CELA3A: variants seen among roughly 807,000 people sequenced by gnomAD.
CELA3A encodes the protein chymotrypsin like elastase 3A.
CELA3A carries 35 observed loss-of-function variants against 38.6 expected under a neutral mutation model. That is an observed-to-expected ratio of 0.91 (90% CI 0.69 to 1.20). The LOEUF (loss-of-function observed/expected upper bound fraction) is 1.20, where lower values mean the gene tolerates loss of function less well. CELA3A is among the 50% of genes most tolerant of loss of function. The pLI is 0.00. For synonymous variants in CELA3A, 143 were observed against 136.7 expected (o/e 1.05, Z -0.32); for missense variants, 343 against 354.2 (o/e 0.97, Z 0.25).
chr1:22,008,775 C>G (rs1370212224), intron 6 of CELA3A, among the ~76,000 whole-genome samples: 3 of 151,722 alleles, frequency 2.0e-5, no homozygotes, highest in South Asian at 2.1e-4. Context: ...AAAAAAAATA[C>G]TATCAAATAC....
At chr1:22,006,382 C>T (rs1644950029) in intron 4 of CELA3A, among the ~76,000 whole-genome samples, 1 of 151,110 alleles carries the variant, frequency 6.6e-6, no homozygotes, top group Non-Finnish European at 1.5e-5. Context: ...CAAATATTAG[C>T]CAGGCGTGGT....
chr1:22,005,117 C>T (rs1252806189), intron 2 of CELA3A, among the ~76,000 whole-genome samples: 3 of 150,252 alleles, frequency 2.0e-5, no homozygotes, highest in Admixed American at 6.6e-5. Flanking sequence ...AAAAAAAACT[C>T]ACAGGGCGAG....
At chr1:22,001,826 A>AG in intron 1 of CELA3A, 109 bp downstream of exon 1, 2 of 1,476,450 alleles carry the variant, frequency 1.4e-6, no homozygotes, top group Admixed American at 1.7e-5. Context: ...GTTCCACAGG[A>AG]GGGGGTCTCA....
At chr1:22,004,122 A>T (rs1435595808) in intron 2 of CELA3A, among the ~76,000 whole-genome samples, 2 of 134,528 alleles carry the variant, frequency 1.5e-5, no homozygotes, top group African/African-American at 5.8e-5. Flanking sequence ...CCCAGGCTGG[A>T]GTGCAGTGGT....
chr1:22,006,934 A>G lies in CELA3A; in HGVS notation c.419A>G (p.Gln140Arg). 8 of 1,612,340 alleles carry G rather than the reference A, an allele frequency of 5.0e-6. No homozygotes were observed. Among genetic ancestry groups the G allele is most frequent in the Non-Finnish European group, 6.8e-6 (8 of 1,179,438 alleles). ...SRSAQLGDAV[Q>R]LASLPPAGDI... is the part of the protein sequence containing the mutation. ...AGCGCCCAGCTGGGAGATGCCGTCCAGCTCGCCTCACTCCCTCCCGCTGGT... is the reference window on the plus strand; with the variant it reads ...AGCGCCCAGCTGGGAGATGCCGTCCGGCTCGCCTCACTCCCTCCCGCTGGT... Residue 140 changes from glutamine to arginine, a missense_variant, in exon 5 of 8, where the codon CAG becomes CGG. Coordinates refer to ENST00000290122, the MANE Select transcript of CELA3A (RefSeq NM_005747.5).
rs769086020 is a variant in CELA3A, at chr1:22,007,537, C to T, written c.642+22C>T. 27 of 1,601,100 alleles carry T rather than the reference C, an allele frequency of 1.7e-5. 1 individual carries two copies. The East Asian group carries it at 2.9e-4, about 17-fold the overall frequency. On this transcript the variant is annotated intron_variant, in intron 6 of 7. Coordinates refer to ENST00000290122, the MANE Select transcript of CELA3A (RefSeq NM_005747.5). ...CAACGTGAGTCAGCTCTTACCTGCC[C>T]GAGGTGGTGCTGGGTGTGCAGGACC...
At chr1:22,003,236 C>A in intron 2 of CELA3A, 148 bp downstream of exon 2, 2 of 875,364 alleles carry the variant, frequency 2.3e-6, no homozygotes, top group Non-Finnish European at 3.5e-6. Flanking sequence ...CCATCTACTT[C>A]ACGGGGAGGT....
chr1:22,008,599 C>T (rs60862046), intron 6 of CELA3A, among the ~76,000 whole-genome samples: 1 of 149,792 alleles, frequency 6.7e-6, no homozygotes, highest in Non-Finnish European at 1.5e-5. Context: ...CTCTACTAAA[C>T]ACACAAAAAG....
intron 6 of CELA3A, among the ~76,000 whole-genome samples, chr1:22,009,094 A>C (rs1284433848): frequency 7.4e-6 from 1 of 135,312 alleles, no homozygotes. Flanking sequence ...GGCTGGGTGC[A>C]GTGACTCACG....
intron 6 of CELA3A, among the ~76,000 whole-genome samples, chr1:22,009,311 C>G (rs1384416457): frequency 6.6e-6 from 1 of 151,374 alleles, no homozygotes; most frequent in Admixed American, 6.6e-5. Context: ...TTGCAGTGAG[C>G]TGAGATCCTG....
At position 22,012,438 on chromosome 1, in the gene CELA3A, C is replaced by G. The variant is rs563257095; in HGVS notation, c.796-12C>G. 2.2e-4 allele frequency: 281 copies of G among 1,268,582 alleles called. 38 individuals carry two copies. The South Asian group carries it at 3.6e-3, about 16-fold the overall frequency. The allele number at this position is 1,268,582 out of a possible 1,614,324, so 78.6% of individuals were successfully genotyped here. Reference sequence around the variant, plus strand: ...AAATTGACTATTCTGTCTGCCCCCCCAACTTTTCCAGACCATAGCAAGCCA... The same window carrying G: ...AAATTGACTATTCTGTCTGCCCCCCGAACTTTTCCAGACCATAGCAAGCCA... On this transcript the variant is annotated splice_polypyrimidine_tract_variant and intron_variant, in intron 7 of 7. Coordinates refer to ENST00000290122, the MANE Select transcript of CELA3A (RefSeq NM_005747.5).
At chr1:22,007,163 C>G (rs1315094713) in intron 5 of CELA3A, 149 bp downstream of exon 5, 2 of 1,398,850 alleles carry the variant, frequency 1.4e-6, no homozygotes, top group Admixed American at 2.4e-5. Flanking sequence ...ACCTCCAAAA[C>G]ACGAATGTGG....
intron 4 of CELA3A, among the ~76,000 whole-genome samples, chr1:22,006,666 A>G (rs1644951578): frequency 6.7e-6 from 1 of 150,334 alleles, no homozygotes; most frequent in African/African-American, 2.5e-5. Flanking sequence ...GCAGTGAGCT[A>G]TGATTGTGAC....
intron 6 of CELA3A, among the ~76,000 whole-genome samples, chr1:22,008,290 A>G (rs1644963220): frequency 6.7e-6 from 1 of 150,094 alleles, no homozygotes; most frequent in Non-Finnish European, 1.5e-5. Flanking sequence ...AGCCAGGAGT[A>G]CAAGTGTGTG....
At chr1:22,009,007 C>T (rs1319024346) in intron 6 of CELA3A, among the ~76,000 whole-genome samples, 5 of 151,730 alleles carry the variant, frequency 3.3e-5, no homozygotes, top group South Asian at 2.1e-4. Context: ...TGGGAGGCCC[C>T]GGCAGGTGGA....
intron 7 of CELA3A, among the ~76,000 whole-genome samples, chr1:22,011,913 C>T (rs1318041036): frequency 1.6e-5 from 2 of 126,476 alleles, no homozygotes; most frequent in East Asian, 5.2e-4. Flanking sequence ...ATTAGCCAGG[C>T]ATGGTGGCGT....
intron 6 of CELA3A, among the ~76,000 whole-genome samples, chr1:22,008,168 T>TTTTTTTTA (rs1644962508): frequency 6.9e-6 from 1 of 144,736 alleles, no homozygotes; most frequent in African/African-American, 2.6e-5. Context: ...TTTTTTTTTT[T>TTTTTTTTA]GAGACAGGAT....
At position 22,011,735 on chromosome 1, in the gene CELA3A, C is replaced by T. The variant is rs1468950075; in HGVS notation, c.796-715C>T. Among the ~76,000 whole-genome samples the T allele has an allele frequency of 1.7e-4, 20 of 119,780 alleles. 2 individuals are homozygous for T. Among genetic ancestry groups the T allele is most frequent in the African/African-American group, 3.2e-4 (9 of 28,470 alleles). The allele number at this position is 119,780 out of a possible 152,430, so 78.6% of individuals were successfully genotyped here. On this transcript the variant is annotated intron_variant, in intron 7 of 7. Transcript: ENST00000290122. Reference sequence around the variant, plus strand: ...AGATTGTGCCACTGCCCTCCAGCCTCGGTGACAGAGCAAGACTCTGTCTTA... The same window carrying T: ...AGATTGTGCCACTGCCCTCCAGCCTTGGTGACAGAGCAAGACTCTGTCTTA...
chr1:22,006,418 T>TCA (rs1474443377), intron 4 of CELA3A, among the ~76,000 whole-genome samples: 9 of 151,168 alleles, frequency 6.0e-5, no homozygotes, highest in Non-Finnish European at 1.2e-4. Context: ...TCCCAGCTAC[T>TCA]GGAAAGGCTG....
Sources: allele counts gnomAD v4.1 joint callset (sites outside exome capture counted in the v4.1 genomes callset), GRCh38; gene constraint gnomAD v4.1.1; transcripts MANE v1.5; gene names NCBI Gene and HGNC (gene_info 2026-07-23, HGNC 2026-07-21).